CD33: variants seen among roughly 807,000 people sequenced by gnomAD.
The protein encoded by CD33 is myeloid cell surface antigen CD33.
CD33 carries 25 observed loss-of-function variants against 31.4 expected under a neutral mutation model. The ratio of observed to expected loss-of-function variants is 0.80; its 90% confidence interval spans 0.58 to 1.11. The LOEUF is 1.11. CD33 is among the 50% of genes most tolerant of loss of function. The pLI is 0.00. For synonymous variants in CD33, 176 were observed against 180.6 expected (o/e 0.97, Z 0.20); for missense variants, 407 against 448.1 (o/e 0.91, Z 0.83).
the CD33 span, chr19:51,211,853 C>A: frequency 8.0e-7 from 1 of 1,245,640 alleles, no homozygotes; most frequent in Non-Finnish European, 1.2e-6. Flanking sequence ...ACCCCAGGAA[C>A]CTGACCTGCT....
chr19:51,213,787 C>T, the CD33 span, among the ~76,000 whole-genome samples: 3 of 151,698 alleles, frequency 2.0e-5, no homozygotes, highest in East Asian at 1.9e-4. Context: ...CTGCCTGCCT[C>T]GGCCTCCCAA....
At chr19:51,230,775 C>T (rs1235104259) in intron 4 of CD33, among the ~76,000 whole-genome samples, 1 of 152,152 alleles carries the variant, frequency 6.6e-6, no homozygotes, top group Non-Finnish European at 1.5e-5. Context: ...TTCTTGTAAG[C>T]AGTATATAGC....
chr19:51,226,145 T>G, intron 3 of CD33, 64 bp downstream of exon 3: 1 of 1,581,350 alleles, frequency 6.3e-7, no homozygotes, highest in Non-Finnish European at 8.6e-7. Flanking sequence ...GGGCTGGTGC[T>G]GGGGACATTT....
At chr19:51,226,416 T>C (rs900332540) in intron 4 of CD33, 60 bp downstream of exon 4, 9 of 1,478,324 alleles carry the variant, frequency 6.1e-6, no homozygotes, top group African/African-American at 2.8e-5. Context: ...TCAGGTTTGG[T>C]CAGATCTGGA....
intron 6 of CD33, chr19:51,239,275 G>GAT: frequency 2.8e-6 from 1 of 354,544 alleles, no homozygotes; most frequent in Non-Finnish European, 5.1e-6. Context: ...TGTCAGTGTA[G>GAT]CTGCCCAGAA....
chr19:51,213,822 C>A, the CD33 span, among the ~76,000 whole-genome samples: 1 of 151,278 alleles, frequency 6.6e-6, no homozygotes, highest in Non-Finnish European at 1.5e-5. Flanking sequence ...AGGCGTGAAC[C>A]ACTGCGCCCA....
intron 4 of CD33, among the ~76,000 whole-genome samples, chr19:51,228,704 G>A (rs1981207622): frequency 6.6e-6 from 1 of 151,534 alleles, no homozygotes; most frequent in Non-Finnish European, 1.5e-5. Context: ...TTTTGTTTTT[G>A]AGATGGAATT....
intron 4 of CD33, among the ~76,000 whole-genome samples, chr19:51,233,382 C>G (rs1227896834): frequency 6.6e-6 from 1 of 152,234 alleles, no homozygotes; most frequent in Non-Finnish European, 1.5e-5. Context: ...GTTGGTTTCT[C>G]TGCTGTTCAG....
intron 4 of CD33, among the ~76,000 whole-genome samples, chr19:51,227,873 TC>T (rs1351100351): frequency 2.0e-5 from 3 of 152,206 alleles, no homozygotes; most frequent in Non-Finnish European, 4.4e-5. Flanking sequence ...AGGTCTTTGA[TC>T]CATTTTGAAT....
the CD33 span, among the ~76,000 whole-genome samples, chr19:51,218,287 A>C: frequency 1.3e-5 from 2 of 152,194 alleles, no homozygotes; most frequent in Non-Finnish European, 2.9e-5. Context: ...AGTGATGTTG[A>C]ACCTGTTTCA....
At chr19:51,232,101 T>G (rs1024473244) in intron 4 of CD33, among the ~76,000 whole-genome samples, 13 of 152,244 alleles carry the variant, frequency 8.5e-5, no homozygotes, top group African/African-American at 3.1e-4. Context: ...TAAGAGTGAT[T>G]AGAATTCCCT....
the CD33 span, among the ~76,000 whole-genome samples, chr19:51,219,659 G>A: frequency 1.3e-5 from 2 of 152,166 alleles, no homozygotes; most frequent in Non-Finnish European, 2.9e-5. Flanking sequence ...TTGGCTGTGG[G>A]TTTGTCATAG....
the CD33 span, among the ~76,000 whole-genome samples, chr19:51,213,740 T>C: frequency 6.6e-6 from 1 of 151,948 alleles, no homozygotes; most frequent in Admixed American, 6.6e-5. Context: ...TTCCCCATGT[T>C]GGCTAGGCTG....
upstream of CD33, among the ~76,000 whole-genome samples, chr19:51,224,269 C>T (rs962819989): frequency 2.0e-5 from 3 of 152,054 alleles, no homozygotes; most frequent in African/African-American, 7.2e-5. Context: ...ACAGGCATAC[C>T]CACTGAGTCT....
At chr19:51,234,448 T>TACCTC (rs1045321624) in intron 4 of CD33, among the ~76,000 whole-genome samples, 9 of 152,182 alleles carry the variant, frequency 5.9e-5, no homozygotes, top group Admixed American at 5.9e-4. Context: ...CTACTGTCCA[T>TACCTC]ACCTCAACCC....
the CD33 span, chr19:51,211,457 C>T: frequency 6.4e-7 from 1 of 1,567,332 alleles, no homozygotes; most frequent in Non-Finnish European, 8.6e-7. Context: ...CTTGGGGATC[C>T]CAGTAAGAAC....
At position 51,233,610 on chromosome 19, in the gene CD33, G is replaced by A. The variant is rs567222630; in HGVS notation, c.746-1547G>A. 3.2e-4 allele frequency among the ~76,000 whole-genome samples: 49 copies of A among 152,352 alleles called. No individual in the cohort carries two copies. In the South Asian group the frequency reaches 5.8e-3, roughly 18 times the overall value. ...AGGGGCTGGTTAGGGAGTTGGGAGTGCACACCAAATGCTCCATGCAGCTGT... is the reference window on the plus strand; with the variant it reads ...AGGGGCTGGTTAGGGAGTTGGGAGTACACACCAAATGCTCCATGCAGCTGT... On this transcript the variant is annotated intron_variant, in intron 4 of 6. Coordinates refer to ENST00000262262, the MANE Select transcript of CD33 (RefSeq NM_001772.4).
In CD33 at chr19:51,239,785, A is replaced by T; in HGVS notation, c.*97A>T. ...CTTGGAGATTTAACACCCCACAGGC[A>T]ATGGGTTTATAGACATTATGTGAGT... On this transcript the variant is annotated 3_prime_UTR_variant, in exon 7 of 7. Transcript: ENST00000262262. 4.2e-6 allele frequency: 4 copies of T among 945,908 alleles called. No individual in the cohort carries two copies. The highest frequency in any genetic ancestry group is 6.3e-6 in the Non-Finnish European group (4 of 631,644). The allele number at this position is 945,908 out of a possible 1,614,324, so 58.6% of individuals were successfully genotyped here.
rs34817319 is a variant in CD33, at chr19:51,239,697, C to T, written c.*9C>T. 2,106 of 1,602,634 alleles carry T rather than the reference C, an allele frequency of 1.3e-3. 32 individuals are homozygous for T. In the East Asian group the frequency reaches 0.03, roughly 23 times the overall value. ...AGGTCAGGACCCAGTGAGGAACCCA[C>T]AAGAGCATCAGGCTCAGCTAGAAGA... On this transcript the variant is annotated 3_prime_UTR_variant, in exon 7 of 7. Coordinates refer to ENST00000262262, the MANE Select transcript of CD33 (RefSeq NM_001772.4).
Sources: gnomAD v4.1 joint callset for allele counts (sites outside exome capture counted in the v4.1 genomes callset) on GRCh38, gnomAD v4.1.1 for gene constraint, MANE v1.5 for transcripts, NCBI Gene and HGNC (gene_info 2026-07-23, HGNC 2026-07-21) for gene names.